Variants in NAALADL2 observed in about 807,000 individuals in gnomAD.
The protein encoded by NAALADL2 is N-acetylated alpha-linked acidic dipeptidase like 2.
NAALADL2 carries 76 observed loss-of-function variants against 87.2 expected under a neutral mutation model. The ratio of observed to expected loss-of-function variants is 0.87; its 90% CI spans 0.72 to 1.05. The LOEUF (loss-of-function observed/expected upper bound fraction) is 1.05. NAALADL2 is among the 50% of genes least tolerant of loss of function. NAALADL2 has a pLI of 0.00. For missense variants in NAALADL2, 1,089 were observed against 945.8 expected (o/e 1.15, Z -1.99); for synonymous variants, 354 against 331.0 (o/e 1.07, Z -0.75).
intron 3 of NAALADL2, among the ~76,000 whole-genome samples, chr3:174,805,400 G>A (rs1013974768): frequency 5.9e-5 from 9 of 151,448 alleles, no homozygotes; most frequent in Admixed American, 5.9e-4. Context: ...TCTTTTTTTT[G>A]TTTAATGTAG....
intron 11 of NAALADL2, among the ~76,000 whole-genome samples, chr3:175,692,592 G>C (rs1247653413): frequency 2.6e-5 from 4 of 152,130 alleles, no homozygotes; most frequent in African/African-American, 9.7e-5. Context: ...GGTGGAAACA[G>C]TCATATTTTT....
chr3:175,465,266 A>T (rs1396515771), intron 7 of NAALADL2, among the ~76,000 whole-genome samples: 4 of 151,714 alleles, frequency 2.6e-5, no homozygotes, highest in African/African-American at 9.7e-5. Context: ...AAAAAAAAAA[A>T]AAAGACTATT....
At chr3:175,013,267 T>TATATA (rs1560475961) in intron 1 of NAALADL2, among the ~76,000 whole-genome samples, 1 of 109,244 alleles carries the variant, frequency 9.2e-6, no homozygotes, top group Admixed American at 1.1e-4. Context: ...ACATATATTT[T>TATATA]TATATATATA....
chr3:174,490,853 T>C (rs1405452467), intron 1 of NAALADL2, among the ~76,000 whole-genome samples: 1 of 152,126 alleles, frequency 6.6e-6, no homozygotes, highest in Non-Finnish European at 1.5e-5. Context: ...GTTGATCTCT[T>C]TGTATTTAGA....
At chr3:175,123,205 A>T (rs1222429850) in intron 2 of NAALADL2, among the ~76,000 whole-genome samples, 1 of 151,956 alleles carries the variant, frequency 6.6e-6, no homozygotes, top group Admixed American at 6.6e-5. Flanking sequence ...AGGAAGGACA[A>T]AATCACTTGG....
chr3:175,275,434 T>A (rs1183986786), intron 4 of NAALADL2, among the ~76,000 whole-genome samples: 1 of 151,014 alleles, frequency 6.6e-6, no homozygotes, highest in African/African-American at 2.4e-5. Flanking sequence ...TCACATGGCC[T>A]TTTCATTTAT....
intron 1 of NAALADL2, among the ~76,000 whole-genome samples, chr3:175,085,777 G>T (rs1718773106): frequency 6.6e-6 from 1 of 152,142 alleles, no homozygotes; most frequent in African/African-American, 2.4e-5. Flanking sequence ...AATTAGCTGG[G>T]CATGGTGGCA....
chr3:175,627,518 T>C, intron 11 of NAALADL2, 132 bp downstream of exon 11: 1 of 594,964 alleles, frequency 1.7e-6, no homozygotes, highest in South Asian at 2.3e-5. Context: ...GAAAGGATTT[T>C]AGTATATCCT....
intron 1 of NAALADL2, among the ~76,000 whole-genome samples, chr3:175,048,633 C>T (rs78849010): frequency 0.023 from 3,468 of 151,248 alleles, 54 homozygotes; most frequent in Non-Finnish European, 0.034. Context: ...ATTTGGTTTA[C>T]TTATAGGATT....
chr3:174,598,291 G>A (rs1285199914), intron 2 of NAALADL2, among the ~76,000 whole-genome samples: 1 of 152,122 alleles, frequency 6.6e-6, no homozygotes, highest in Non-Finnish European at 1.5e-5. Flanking sequence ...TAAACTTTGA[G>A]TTAGTGTGAC....
At chr3:174,950,410 C>T (rs1051957159) in intron 1 of NAALADL2, among the ~76,000 whole-genome samples, 2 of 152,036 alleles carry the variant, frequency 1.3e-5, no homozygotes, top group African/African-American at 2.4e-5. Flanking sequence ...CATTGATTTT[C>T]ATTGTTATAC....
intron 2 of NAALADL2, among the ~76,000 whole-genome samples, chr3:175,101,333 G>A (rs1001575476): frequency 5.9e-5 from 9 of 152,080 alleles, no homozygotes; most frequent in African/African-American, 1.7e-4. Flanking sequence ...AAAGATGTTC[G>A]TGACTCTCTG....
intron 1 of NAALADL2, among the ~76,000 whole-genome samples, chr3:174,934,544 G>A (rs1044467487): frequency 4.6e-5 from 7 of 151,984 alleles, no homozygotes; most frequent in African/African-American, 1.7e-4. Context: ...GAGCGCGGTG[G>A]GTCATGTCTG....
chr3:175,586,756 G>GC (rs1365762012), intron 10 of NAALADL2, among the ~76,000 whole-genome samples: 1 of 152,064 alleles, frequency 6.6e-6, no homozygotes, highest in East Asian at 1.9e-4. Flanking sequence ...TATACTACAT[G>GC]CTTACAAATA....
At chr3:175,126,881 T>C (rs1360697792) in intron 2 of NAALADL2, among the ~76,000 whole-genome samples, 1 of 151,842 alleles carries the variant, frequency 6.6e-6, no homozygotes, top group Non-Finnish European at 1.5e-5. Flanking sequence ...TTTAAGAATG[T>C]TTACTAACAT....
intron 11 of NAALADL2, among the ~76,000 whole-genome samples, chr3:175,656,456 C>G (rs1013427508): frequency 6.6e-6 from 1 of 152,114 alleles, no homozygotes; most frequent in Non-Finnish European, 1.5e-5. Flanking sequence ...CAGTCATATG[C>G]TTCTTGAGAA....
intron 11 of NAALADL2, among the ~76,000 whole-genome samples, chr3:175,691,399 T>C (rs2149917702): frequency 6.6e-6 from 1 of 151,846 alleles, no homozygotes; most frequent in East Asian, 1.9e-4. Flanking sequence ...TATTTGTGTG[T>C]GTGTGTATGT....
intron 2 of NAALADL2, chr3:175,124,534 T>G (rs1002880454): frequency 6.6e-5 from 10 of 152,144 alleles, no homozygotes; most frequent in African/African-American, 2.4e-4. Context: ...CCCGAATCTT[T>G]CAACAGGCTT....
intron 4 of NAALADL2, among the ~76,000 whole-genome samples, chr3:175,309,290 A>G (rs1758060393): frequency 6.6e-6 from 1 of 151,836 alleles, no homozygotes; most frequent in African/African-American, 2.4e-5. Context: ...GGTTCAAGTG[A>G]TTCTCCTCCC....
Sources: allele counts gnomAD v4.1 joint callset (sites outside exome capture counted in the v4.1 genomes callset), GRCh38; gene constraint gnomAD v4.1.1; transcripts MANE v1.5; gene names NCBI Gene and HGNC (gene_info 2026-07-23, HGNC 2026-07-21).